CTNNA2: variants seen among roughly 807,000 people sequenced by gnomAD.
CTNNA2 encodes the protein catenin alpha 2, also known as catenin alpha-2.
A neutral mutation model predicts 101.0 loss-of-function variants in CTNNA2; 42 were observed. That is an observed-to-expected ratio of 0.42 (90% CI 0.32 to 0.54). The LOEUF is 0.54. CTNNA2 is among the 20% of genes least tolerant of loss of function. CTNNA2 has a pLI of 0.14. For missense variants in CTNNA2, 871 were observed against 1,223.1 expected (o/e 0.71, Z 4.29); for synonymous variants, 450 against 456.4 (o/e 0.99, Z 0.18).
In CTNNA2 at chr2:79,999,916, A is replaced by C. The variant is rs555787329; in HGVS notation, c.1056+90119A>C. On this transcript the variant is annotated intron_variant, in intron 7 of 18. Coordinates refer to ENST00000402739, the MANE Select transcript of CTNNA2 (RefSeq NM_001282597.3). ...TTCATGGTTGTTTTCAGGAAATTTT[A>C]ACTCAGCAGAATGTATAGACGAGAA... 2.6e-5 allele frequency among the ~76,000 whole-genome samples: 4 copies of C among 152,288 alleles called. No homozygotes were observed. The South Asian group carries it at 8.3e-4, about 32-fold the overall frequency.
intron 2 of CTNNA2, among the ~76,000 whole-genome samples, chr2:79,252,828 T>C (rs1674790692): frequency 1.3e-5 from 2 of 149,498 alleles, no homozygotes; most frequent in Non-Finnish European, 1.5e-5. Flanking sequence ...TTTTTTTTTT[T>C]AGTGGACTTT....
At chr2:79,408,000 T>A (rs149935077) in intron 4 of CTNNA2, among the ~76,000 whole-genome samples, 1 of 152,162 alleles carries the variant, frequency 6.6e-6, no homozygotes, top group Non-Finnish European at 1.5e-5. Flanking sequence ...GGTATTGGAC[T>A]TTGAGTTTTT....
intron 9 of CTNNA2, among the ~76,000 whole-genome samples, chr2:80,427,550 T>C (rs957019909): frequency 1.3e-5 from 2 of 152,216 alleles, no homozygotes; most frequent in Admixed American, 6.5e-5. Context: ...ACTGAAGCCA[T>C]AGCAATGATG....
chr2:80,269,653 A>G (rs920867554), intron 7 of CTNNA2, among the ~76,000 whole-genome samples: 1 of 152,198 alleles, frequency 6.6e-6, no homozygotes, highest in Non-Finnish European at 1.5e-5. Flanking sequence ...TTTTTTTTCA[A>G]TATCAGAAAC....
chr2:80,645,531 C>T (rs1206634889), intron 18 of CTNNA2, among the ~76,000 whole-genome samples: 2 of 151,848 alleles, frequency 1.3e-5, no homozygotes, highest in African/African-American at 4.8e-5. Context: ...GTATCAGAAC[C>T]TCCTGGATGG....
intron 9 of CTNNA2, among the ~76,000 whole-genome samples, chr2:80,536,407 C>T (rs1691025689): frequency 6.6e-6 from 1 of 151,994 alleles, no homozygotes; most frequent in South Asian, 2.1e-4. Flanking sequence ...GAAATATTAA[C>T]ATGAGGAGCA....
At position 80,120,449 on chromosome 2, in the gene CTNNA2, C is replaced by T. The variant is rs545233474; in HGVS notation, c.1056+210652C>T. 8.5e-5 allele frequency among the ~76,000 whole-genome samples: 13 copies of T among 152,226 alleles called. No homozygotes were observed. The South Asian group carries it at 2.7e-3, about 32-fold the overall frequency. ...GAAGGAAACCGAGTGCTCATTGGAT[C>T]CTCCTTTTTCCTTTTAGGATGGATG... is the stretch of plus-strand genomic sequence containing the variant. On this transcript the variant is annotated intron_variant, in intron 7 of 18. Coordinates refer to ENST00000402739, the MANE Select transcript of CTNNA2 (RefSeq NM_001282597.3).
At chr2:79,860,273 A>G (rs781574793) in intron 4 of CTNNA2, among the ~76,000 whole-genome samples, 3 of 151,950 alleles carry the variant, frequency 2.0e-5, no homozygotes, top group Non-Finnish European at 2.9e-5. Context: ...CTTACATCTC[A>G]TATGTCATTG....
At chr2:79,870,303 T>C (rs1188766064) in intron 5 of CTNNA2, among the ~76,000 whole-genome samples, 2 of 152,310 alleles carry the variant, frequency 1.3e-5, no homozygotes, top group East Asian at 3.9e-4. Context: ...GCCCTCACTT[T>C]TTGTCTCCTA....
intron 2 of CTNNA2, among the ~76,000 whole-genome samples, chr2:79,685,256 T>C (rs1417018965): frequency 1.3e-5 from 2 of 152,232 alleles, no homozygotes; most frequent in Non-Finnish European, 2.9e-5. Flanking sequence ...CACTTACTAA[T>C]TTATGTATCA....
At chr2:79,916,158 A>G (rs1274292292) in intron 7 of CTNNA2, among the ~76,000 whole-genome samples, 1 of 152,204 alleles carries the variant, frequency 6.6e-6, no homozygotes, top group Non-Finnish European at 1.5e-5. Context: ...AACTTTCTCT[A>G]TTAAAAGGTG....
At chr2:79,290,573 G>A (rs1675774908) in intron 2 of CTNNA2, among the ~76,000 whole-genome samples, 1 of 152,112 alleles carries the variant, frequency 6.6e-6, no homozygotes. Flanking sequence ...TCATCGTCGA[G>A]AGGAACACAC....
chr2:79,786,241 T>A (rs997916229), intron 3 of CTNNA2, among the ~76,000 whole-genome samples: 1 of 152,054 alleles, frequency 6.6e-6, no homozygotes, highest in South Asian at 2.1e-4. Context: ...ACATGGTTTT[T>A]TTTTATTTTA....
intron 8 of CTNNA2, among the ~76,000 whole-genome samples, chr2:80,417,830 G>T (rs1014974807): frequency 1.3e-5 from 2 of 152,214 alleles, no homozygotes; most frequent in Admixed American, 1.3e-4. Context: ...CTTTGGATGA[G>T]ATTTGGCCTT....
At chr2:80,023,227 T>C (rs1694697563) in intron 7 of CTNNA2, among the ~76,000 whole-genome samples, 1 of 152,230 alleles carries the variant, frequency 6.6e-6, no homozygotes, top group Non-Finnish European at 1.5e-5. Context: ...TGTTTTTATG[T>C]TAAAAAGTCA....
chr2:80,647,516 G>A, intron 18 of CTNNA2, 69 bp from the exon 19 acceptor site: 1 of 1,261,766 alleles, frequency 7.9e-7, no homozygotes, highest in South Asian at 1.6e-5. Flanking sequence ...AACCGTGAAA[G>A]TACATCACCA....
In CTNNA2 at chr2:79,959,506, T is replaced by TTA. The variant is rs201846084; in HGVS notation, c.1056+49710_1056+49711dup. 6.6e-3 allele frequency among the ~76,000 whole-genome samples: 1,006 copies of TTA among 152,344 alleles called. 8 individuals are homozygous for TTA. The highest frequency in any genetic ancestry group is 0.022 in the African/African-American group (934 of 41,580). ...TTTCAATAGCTAGAGTGGGTTTGTCTTACGCCACTCTTAATGCCTTGCCTC... is the reference window on the plus strand; with the variant it reads ...TTTCAATAGCTAGAGTGGGTTTGTCTTATACGCCACTCTTAATGCCTTGCCTC... On this transcript the variant is annotated intron_variant, in intron 7 of 18. Transcript: ENST00000402739.
At chr2:80,532,796 T>C (rs1036151287) in intron 9 of CTNNA2, among the ~76,000 whole-genome samples, 4 of 152,300 alleles carry the variant, frequency 2.6e-5, no homozygotes, top group African/African-American at 7.2e-5. Context: ...TAAGGTGTTA[T>C]ATTACCTAGG....
At chr2:80,225,889 G>T (rs1358402010) in intron 7 of CTNNA2, among the ~76,000 whole-genome samples, 3 of 152,142 alleles carry the variant, frequency 2.0e-5, no homozygotes, top group Non-Finnish European at 2.9e-5. Flanking sequence ...TGGTGGATTT[G>T]TGTTGTTTTA....
Sources: allele counts gnomAD v4.1 joint callset (sites outside exome capture counted in the v4.1 genomes callset), GRCh38; gene constraint gnomAD v4.1.1; transcripts MANE v1.5; gene names NCBI Gene and HGNC (gene_info 2026-07-23, HGNC 2026-07-21).